Variants in DSCAML1 observed in about 807,000 individuals in gnomAD.
DSCAML1 encodes cell adhesion molecule DSCAML1.
Under a neutral mutation model 200.5 loss-of-function variants are expected in DSCAML1, and 38 were observed. The observed-to-expected ratio is 0.19, with a 90% CI of 0.15 to 0.25. The LOEUF (loss-of-function observed/expected upper bound fraction) is 0.25, where lower values mean the gene tolerates loss of function less well. DSCAML1 is among the 10% of genes least tolerant of loss of function. DSCAML1 has a pLI of 1.00. For missense variants in DSCAML1, 2,223 were observed against 2,858.8 expected, an observed-to-expected ratio of 0.78 and a Z score of 5.07; for synonymous variants, 1,215 against 1,165.0, an observed-to-expected ratio of 1.04 and a Z score of -0.87.
Position 117,516,101 on chromosome 11 carries a change from C to G in DSCAML1, c.1783+366G>C, listed in dbSNP as rs1245687996. Among the ~76,000 whole-genome samples the G allele has an allele frequency of 6.6e-6, 1 of 152,136 alleles. No individual in the cohort carries two copies. Among genetic ancestry groups the G allele is most frequent in the East Asian group, 1.9e-4 (1 of 5,186 alleles). ...TTGCTTGTGGCCTCCTTGTGTGGGC[C>G]CGCTGAGCTCCTGGGGGCTCCATCC... On this transcript the variant is annotated intron_variant, in intron 8 of 32. Coordinates refer to ENST00000651296, the MANE Select transcript of DSCAML1 (RefSeq NM_020693.4). The surrounding 1 kb of genome is among the most constrained non-coding windows in gnomAD (Gnocchi z 5.7).
chr11:117,515,421 T>C (rs1208346076), intron 8 of DSCAML1, among the ~76,000 whole-genome samples: 1 of 152,096 alleles, frequency 6.6e-6, no homozygotes, highest in Non-Finnish European at 1.5e-5. Context: ...AAGAATGTAT[T>C]TGGGGGTTTC....
intron 3 of DSCAML1, among the ~76,000 whole-genome samples, chr11:117,698,096 A>C (rs1318906989): frequency 6.6e-6 from 1 of 152,170 alleles, no homozygotes; most frequent in African/African-American, 2.4e-5. Flanking sequence ...TAGAGGCTGA[A>C]TCATATTCCA....
intron 3 of DSCAML1, among the ~76,000 whole-genome samples, chr11:117,568,533 A>T (rs1215451429): frequency 6.6e-6 from 1 of 152,158 alleles, no homozygotes; most frequent in East Asian, 1.9e-4. Context: ...AAGTCTCAGG[A>T]TACAAAATCA....
Position 117,437,808 on chromosome 11 carries a change from A to C in DSCAML1, c.4432+87T>G. 5 of 1,349,260 alleles carry C rather than the reference A, an allele frequency of 3.7e-6. No homozygotes were observed. The highest frequency in any genetic ancestry group is 4.9e-6 in the Non-Finnish European group (5 of 1,018,940). The allele number at this position is 1,349,260 out of a possible 1,614,324, so 83.6% of individuals were successfully genotyped here. On this transcript the variant is annotated intron_variant, in intron 25 of 32. Coordinates refer to ENST00000651296, the MANE Select transcript of DSCAML1 (RefSeq NM_020693.4). This position sits in a 1 kb window ranked among gnomAD's most constrained non-coding sequence, Gnocchi z 5.3. Reference sequence around the variant, plus strand: ...CCCTGGACCCCTCCTTCCCCACCCCAGCCACCTTACACCCCATACCTGGCC... The same window carrying C: ...CCCTGGACCCCTCCTTCCCCACCCCCGCCACCTTACACCCCATACCTGGCC...
intron 3 of DSCAML1, among the ~76,000 whole-genome samples, chr11:117,577,959 G>A (rs1283696337): frequency 1.3e-5 from 2 of 151,620 alleles, no homozygotes; most frequent in East Asian, 2.0e-4. Flanking sequence ...TCTCAGCCTG[G>A]CATGGTGGCT....
rs1222560669 is a variant in DSCAML1, at chr11:117,566,825, G to A, written c.512-34303C>T. Among the ~76,000 whole-genome samples the A allele has an allele frequency of 1.3e-4, 19 of 150,836 alleles. No individual in the cohort carries two copies. In the South Asian group the frequency reaches 2.5e-3, roughly 20 times the overall value. ...TTCCCACCTATGAGTGAGAATATGC[G>A]GTGTTTGGTTTTTTGTTCTTGCGAT... is the stretch of plus-strand genomic sequence containing the variant. On this transcript the variant is annotated intron_variant, in intron 3 of 32. Coordinates refer to ENST00000651296, the MANE Select transcript of DSCAML1 (RefSeq NM_020693.4).
intron 3 of DSCAML1, among the ~76,000 whole-genome samples, chr11:117,551,090 G>A (rs1360674555): frequency 2.6e-5 from 4 of 152,164 alleles, no homozygotes; most frequent in Admixed American, 2.6e-4. Context: ...CCTACACGTT[G>A]CGTTATCCTC....
chr11:117,509,155 C>T (rs1400511806), intron 8 of DSCAML1, among the ~76,000 whole-genome samples: 1 of 152,028 alleles, frequency 6.6e-6, no homozygotes, highest in African/African-American at 2.4e-5. Flanking sequence ...CCTGGATATA[C>T]AGATGCTGAG....
At chr11:117,740,219 A>T (rs940745696) in intron 3 of DSCAML1, among the ~76,000 whole-genome samples, 2 of 152,194 alleles carry the variant, frequency 1.3e-5, no homozygotes, top group African/African-American at 4.8e-5. Context: ...TCTGTGGGAA[A>T]AAAAGTACTC....
intron 3 of DSCAML1, among the ~76,000 whole-genome samples, chr11:117,697,527 C>T (rs192655940): frequency 3.3e-5 from 5 of 152,242 alleles, no homozygotes; most frequent in East Asian, 1.9e-4. Context: ...CAATAACCAT[C>T]GTTATCCATT....
In DSCAML1 at chr11:117,780,244, GAAAGAAAGAAA is replaced by G. The variant is rs1308545736; in HGVS notation, c.364+238_364+248del. Among the ~76,000 whole-genome samples, 140 of 69,602 alleles carry G rather than the reference GAAAGAAAGAAA, an allele frequency of 2.0e-3. 1 individual carries two copies. Among genetic ancestry groups the G allele is most frequent in the Non-Finnish European group, 3.1e-3 (95 of 31,074 alleles). The allele number at this position is 69,602 out of a possible 152,430, so 45.7% of individuals were successfully genotyped here. On this transcript the variant is annotated intron_variant, in intron 2 of 32. Transcript: ENST00000651296. This position sits in a 1 kb window ranked among gnomAD's most constrained non-coding sequence, Gnocchi z 4.8. Reference sequence around the variant, plus strand: ...GAAAGAAAGAAAGGAAAGAAAGAAAGAAAGAAAGAAAGAAAGAAAGAAAGAAAGAAAGAAAG... The same window carrying G: ...GAAAGAAAGAAAGGAAAGAAAGAAAGGAAAGAAAGAAAGAAAGAAAGAAAG...
At chr11:117,484,030 CGCCCCT>C (rs1330449529) in intron 11 of DSCAML1, among the ~76,000 whole-genome samples, 28 of 148,622 alleles carry the variant, frequency 1.9e-4, no homozygotes, top group African/African-American at 7.0e-4. Flanking sequence ...GCCCGCCCCC[CGCCCCT>C]GCCCCCCGCC....
chr11:117,789,013 G>T (rs974646943), intron 1 of DSCAML1, among the ~76,000 whole-genome samples: 2 of 152,184 alleles, frequency 1.3e-5, no homozygotes, highest in Non-Finnish European at 2.9e-5. Flanking sequence ...AACGCCAGCA[G>T]CTCCCCACCC....
At chr11:117,570,860 A>T (rs188145459) in intron 3 of DSCAML1, among the ~76,000 whole-genome samples, 121 of 152,336 alleles carry the variant, frequency 7.9e-4, no homozygotes, top group African/African-American at 2.9e-3. Context: ...GGCAGCTGGA[A>T]CCTGGTGCTG....
chr11:117,536,536 T>A (rs1462545524), intron 3 of DSCAML1, among the ~76,000 whole-genome samples: 1 of 152,152 alleles, frequency 6.6e-6, no homozygotes, highest in African/African-American at 2.4e-5. Context: ...GGTGGGACAT[T>A]TGGGGTTGAC....
chr11:117,814,092 C>G (rs907985638), intron 1 of DSCAML1, among the ~76,000 whole-genome samples: 2 of 152,196 alleles, frequency 1.3e-5, no homozygotes, highest in Non-Finnish European at 2.9e-5. Context: ...ATTTCCTTCT[C>G]CTGGCTCAGA....
In DSCAML1 at chr11:117,427,792, C is replaced by T. The variant is rs1176070418; in HGVS notation, c.*536G>A. On this transcript the variant is annotated 3_prime_UTR_variant, in exon 33 of 33. Coordinates refer to ENST00000651296, the MANE Select transcript of DSCAML1 (RefSeq NM_020693.4). Reference sequence around the variant, plus strand: ...CCACATAGAAACATAACCTTTATTGCACACGGCGCTGGGTCTTTTTTCATA... The same window carrying T: ...CCACATAGAAACATAACCTTTATTGTACACGGCGCTGGGTCTTTTTTCATA... 1 of 152,732 alleles carries T rather than the reference C, an allele frequency of 6.5e-6. No individual in the cohort carries two copies. The highest frequency in any genetic ancestry group is 1.5e-5 in the Non-Finnish European group (1 of 68,082). The allele number at this position is 152,732 out of a possible 1,614,324, so 9.5% of individuals were successfully genotyped here.
At chr11:117,475,451 C>T (rs1407803243) in intron 14 of DSCAML1, among the ~76,000 whole-genome samples, 1 of 152,188 alleles carries the variant, frequency 6.6e-6, no homozygotes, top group Non-Finnish European at 1.5e-5. Context: ...CTATTCTTCT[C>T]CTCCTCTGAA....
rs144186132 is a variant in DSCAML1, at chr11:117,709,954, A to C, written c.511+66837T>G. 6.1e-4 allele frequency among the ~76,000 whole-genome samples: 93 copies of C among 152,232 alleles called. 1 individual carries two copies. Among genetic ancestry groups the C allele is most frequent in the African/African-American group, 2.2e-3 (91 of 41,548 alleles). ...GGACCTCCTTGGAGACACACACACAAAAAGAATGAATCCCTGGACTTTGCC... is the reference window on the plus strand; with the variant it reads ...GGACCTCCTTGGAGACACACACACACAAAGAATGAATCCCTGGACTTTGCC... On this transcript the variant is annotated intron_variant, in intron 3 of 32. Transcript: ENST00000651296.
Sources: gnomAD v4.1 joint callset for allele counts (sites outside exome capture counted in the v4.1 genomes callset) on GRCh38, gnomAD v4.1.1 for gene constraint, Gnocchi (gnomAD v3.1) non-coding constraint, MANE v1.5 for transcripts, NCBI Gene and HGNC (gene_info 2026-07-23, HGNC 2026-07-21) for gene names.